The following MRTFA variants were observed in gnomAD, a reference collection of about 807,000 sequenced individuals.
MRTFA encodes the protein myocardin-related transcription factor A.
A neutral mutation model predicts 83.5 loss-of-function variants in MRTFA; 20 were observed. The observed-to-expected ratio is 0.24, with a 90% CI of 0.17 to 0.35. The LOEUF is 0.35. Among genes scored for constraint, MRTFA ranks in the 10% least tolerant of loss-of-function variants. MRTFA has a pLI of 1.00. For synonymous variants in MRTFA, 659 were observed against 541.2 expected (o/e 1.22, Z -3.02); for missense variants, 1,200 against 1,224.7 (o/e 0.98, Z 0.30).
chr22:40,491,690 C>T (rs1359824450), intron 3 of MRTFA, among the ~76,000 whole-genome samples: 1 of 152,068 alleles, frequency 6.6e-6, no homozygotes, highest in African/African-American at 2.4e-5. Context: ...GTTTTTTCTT[C>T]CCTTATTCCA....
At chr22:40,495,407 G>A (rs1345208762) in intron 3 of MRTFA, among the ~76,000 whole-genome samples, 2 of 134,410 alleles carry the variant, frequency 1.5e-5, no homozygotes, top group African/African-American at 5.6e-5. Context: ...AGCCGAGATT[G>A]CGCCACTGCA....
At chr22:40,435,671 G>A (rs2053154814) in intron 4 of MRTFA, 117 bp from the exon 5 acceptor site, 10 of 1,116,300 alleles carry the variant, frequency 9.0e-6, no homozygotes, top group African/African-American at 1.5e-5. Flanking sequence ...GGTGGCTCAC[G>A]CCTGTAATCC....
intron 3 of MRTFA, among the ~76,000 whole-genome samples, chr22:40,551,383 A>G (rs372708037): frequency 8.9e-4 from 135 of 151,982 alleles, no homozygotes; most frequent in East Asian, 8.6e-3. Flanking sequence ...TTGTTTGTTT[A>G]TTTGAGATAG....
At chr22:40,526,106 C>T (rs926634590) in intron 3 of MRTFA, 1 of 151,878 alleles carries the variant, frequency 6.6e-6, no homozygotes, top group African/African-American at 2.4e-5. Context: ...ACCTCAAATT[C>T]TTGGGCTCAA....
intron 2 of MRTFA, among the ~76,000 whole-genome samples, chr22:40,565,032 A>G (rs1461476181): frequency 1.3e-5 from 2 of 152,198 alleles, no homozygotes; most frequent in African/African-American, 4.8e-5. Context: ...GCTTATGTAT[A>G]GGGACGTGAA....
chr22:40,419,170 G>GCCA lies in MRTFA; in HGVS notation c.1565_1567dup (p.Val522dup). On this transcript the variant is annotated inframe_insertion, in exon 12 of 15. Coordinates refer to ENST00000355630, the MANE Select transcript of MRTFA (RefSeq NM_020831.6). The stretch of plus-strand genomic sequence containing the variant: ...CACCTCAGCTGGAGCCAGGCCTGCT[G>GCCA]CCACCAGGGCTGGCCCCGTGCTCAG... The GCCA allele has an allele frequency of 6.3e-7, 1 of 1,584,502 alleles. No individual in the cohort carries two copies. The highest frequency in any genetic ancestry group is 8.6e-7 in the Non-Finnish European group (1 of 1,165,210).
At chr22:40,548,358 C>CAAAAAA (rs10664022) in intron 3 of MRTFA, among the ~76,000 whole-genome samples, 25 of 66,134 alleles carry the variant, frequency 3.8e-4, no homozygotes, top group Admixed American at 8.9e-4. Context: ...GACTCCGTCT[C>CAAAAAA]AAAAAAAAAA....
intron 3 of MRTFA, among the ~76,000 whole-genome samples, chr22:40,467,760 C>T (rs974046366): frequency 6.6e-6 from 1 of 152,184 alleles, no homozygotes; most frequent in African/African-American, 2.4e-5. Context: ...CTTAGATTTG[C>T]TCATCATTCC....
At chr22:40,559,538 C>T (rs1031712936) in intron 2 of MRTFA, among the ~76,000 whole-genome samples, 1 of 152,102 alleles carries the variant, frequency 6.6e-6, no homozygotes, top group Non-Finnish European at 1.5e-5. Context: ...TCCCAAGTAG[C>T]TAGGACTATA....
chr22:40,632,167 T>C (rs552017138), intron 1 of MRTFA, among the ~76,000 whole-genome samples: 147 of 152,302 alleles, frequency 9.7e-4, no homozygotes, highest in African/African-American at 3.4e-3. Context: ...TGAAGAGGAA[T>C]TGAGATCTCC....
chr22:40,436,585 C>A (rs1259339840), intron 4 of MRTFA, among the ~76,000 whole-genome samples: 1 of 152,146 alleles, frequency 6.6e-6, no homozygotes, highest in African/African-American at 2.4e-5. Context: ...CAAGACCAAA[C>A]CAAGAGCCTC....
At chr22:40,538,551 C>G (rs1227446786) in intron 3 of MRTFA, among the ~76,000 whole-genome samples, 2 of 113,414 alleles carry the variant, frequency 1.8e-5, no homozygotes, top group Non-Finnish European at 3.6e-5. Flanking sequence ...GAGAAACACC[C>G]AAGAATTATC....
chr22:40,576,150 T>G (rs1367348448), intron 2 of MRTFA, among the ~76,000 whole-genome samples: 1 of 150,252 alleles, frequency 6.7e-6, no homozygotes, highest in Non-Finnish European at 1.5e-5. Flanking sequence ...TGCCTCAGCC[T>G]CCCAAGTAGC....
intron 2 of MRTFA, among the ~76,000 whole-genome samples, chr22:40,581,843 T>G (rs1325629850): frequency 6.6e-6 from 1 of 152,158 alleles, no homozygotes; most frequent in Non-Finnish European, 1.5e-5. Flanking sequence ...TTCATATAGC[T>G]CTACTCAGCA....
chr22:40,507,667 G>A (rs948967082), intron 3 of MRTFA, among the ~76,000 whole-genome samples: 17 of 151,866 alleles, frequency 1.1e-4, no homozygotes, highest in African/African-American at 3.9e-4. Context: ...TTATTTCAAG[G>A]ACTAAAGAAG....
intron 2 of MRTFA, chr22:40,586,892 TGGTGCTG>T: frequency 4.8e-6 from 1 of 208,778 alleles, no homozygotes. Context: ...CTAGTGCTGC[TGGTGCTG>T]CTGGTGCTGC....
At chr22:40,483,882 G>GT (rs1422732943) in intron 3 of MRTFA, among the ~76,000 whole-genome samples, 2 of 151,618 alleles carry the variant, frequency 1.3e-5, no homozygotes, top group Non-Finnish European at 2.9e-5. Flanking sequence ...TTGGGGGTTT[G>GT]TTTTTGTAGA....
chr22:40,555,715 C>T (rs571983433), intron 2 of MRTFA, among the ~76,000 whole-genome samples: 1 of 151,584 alleles, frequency 6.6e-6, no homozygotes, highest in Non-Finnish European at 1.5e-5. Context: ...CAGCTCACTG[C>T]AAGCTCCACC....
Position 40,420,579 on chromosome 22 carries a change from G to A in MRTFA, c.1182-3C>T, listed in dbSNP as rs1292820888. The stretch of plus-strand genomic sequence containing the variant: ...TTCCCAGGGCCTCGCCTGCTGACCT[G>A]GGAAGAAAAGGCAGAAATTAGCCCC... On this transcript the variant is annotated splice_polypyrimidine_tract_variant and splice_region_variant and intron_variant, in intron 10 of 14. Transcript: ENST00000355630. 6.2e-7 allele frequency: 1 copy of A among 1,612,594 alleles called. No individual in the cohort carries two copies.
Sources: allele counts gnomAD v4.1 joint callset (sites outside exome capture counted in the v4.1 genomes callset), GRCh38; gene constraint gnomAD v4.1.1; transcripts MANE v1.5; gene names NCBI Gene and HGNC (gene_info 2026-07-23, HGNC 2026-07-21).